The following ANPEP variants were observed in gnomAD, a reference collection of about 807,000 sequenced individuals.
The protein encoded by ANPEP is alanyl aminopeptidase, membrane.
A neutral mutation model predicts 114.6 loss-of-function variants in ANPEP; 70 were observed. That is an observed-to-expected ratio of 0.61 (90% CI 0.50 to 0.75). ANPEP has a LOEUF of 0.75. Ranked by LOEUF, ANPEP falls within the 30% of genes least tolerant of loss-of-function variation. The pLI, the probability that ANPEP is intolerant of heterozygous loss-of-function variation, is 0.00. For synonymous variants in ANPEP, 548 were observed against 522.3 expected (o/e 1.05, Z -0.67); for missense variants, 1,184 against 1,259.5 (o/e 0.94, Z 0.91).
At chr15:89,804,716 G>A in intron 4 of ANPEP, 99 bp from the exon 5 acceptor site, 1 of 1,499,478 alleles carries the variant, frequency 6.7e-7, no homozygotes, top group Non-Finnish European at 9.0e-7. Context: ...GATCCCTGAT[G>A]GGCCAGGGCT....
chr15:89,812,296 C>T (rs1336513929), intron 1 of ANPEP, among the ~76,000 whole-genome samples: 1 of 152,260 alleles, frequency 6.6e-6, no homozygotes, highest in Non-Finnish European at 1.5e-5. Context: ...TCAGGGACAA[C>T]CTGGGGCTCA....
chr15:89,790,265 A>G (rs146343256), intron 20 of ANPEP, among the ~76,000 whole-genome samples, 195 bp downstream of exon 20: 1 of 152,214 alleles, frequency 6.6e-6, no homozygotes. Flanking sequence ...TGCCTATACA[A>G]AAATCCCAAG....
Position 89,792,475 on chromosome 15 carries a change from C to T in ANPEP, c.2337G>A (p.Trp779Ter). The T allele has an allele frequency of 6.2e-7, 1 of 1,614,138 alleles. No homozygotes were observed. The highest frequency in any genetic ancestry group is 8.5e-7 in the Non-Finnish European group (1 of 1,180,016). ...ACGGGTTATTATTGGGGTTCTCCAT[C>T]CACTGCTTGAAAAGGCCAGAGACCA... ...EEMVSGLFKQ[W>*]MENPNNNPIH... The change falls in exon 17 of 21, where the codon TGG (tryptophan) becomes TGA (stop). Residue 779 changes from tryptophan (W) to a stop codon, truncating the protein, a stop_gained. Transcript: ENST00000300060. LOFTEE classifies it high-confidence loss of function.
At chr15:89,785,828 A>G (rs966334175) in intron 20 of ANPEP, among the ~76,000 whole-genome samples, 1 of 152,234 alleles carries the variant, frequency 6.6e-6, no homozygotes, top group Non-Finnish European at 1.5e-5. Flanking sequence ...GGAAATTTCT[A>G]TACCACAAAT....
rs530994272 is a variant in ANPEP at position 89,813,073 on chromosome 15, C to A, written c.-224+1699G>T. Among the ~76,000 whole-genome samples, 3 of 152,182 alleles carry A rather than the reference C, an allele frequency of 2.0e-5. No individual in the cohort carries two copies. The South Asian group carries it at 6.2e-4, about 32-fold the overall frequency. The stretch of plus-strand genomic sequence containing the variant: ...TGTAGGGCCAGGAGTGACAGGCACC[C>A]GGGGTGAAGCCCGGGCTAGGGATAG... On this transcript the variant is annotated intron_variant, in intron 1 of 20. Coordinates refer to ENST00000300060, the MANE Select transcript of ANPEP (RefSeq NM_001150.3).
chr15:89,808,833 G>C (rs942184185), intron 1 of ANPEP, among the ~76,000 whole-genome samples: 2 of 152,308 alleles, frequency 1.3e-5, no homozygotes, highest in African/African-American at 4.8e-5. Flanking sequence ...GAACTGAAGG[G>C]ACACGTGGAT....
chr15:89,790,068 AT>A (rs374082806), intron 20 of ANPEP, among the ~76,000 whole-genome samples: 36,805 of 137,040 alleles, frequency 0.27, 6,126 homozygotes, highest in African/African-American at 0.31. Context: ...CAAAAAAAAA[AT>A]AAAAAATAAA....
intron 20 of ANPEP, among the ~76,000 whole-genome samples, chr15:89,787,676 T>C (rs1392548754): frequency 6.6e-6 from 1 of 152,140 alleles, no homozygotes; most frequent in Non-Finnish European, 1.5e-5. Flanking sequence ...AATTTTAAAA[T>C]AGCAAAAGAC....
At chr15:89,808,000 G>A (rs1343448177) in intron 1 of ANPEP, among the ~76,000 whole-genome samples, 1 of 152,012 alleles carries the variant, frequency 6.6e-6, no homozygotes, top group African/African-American at 2.4e-5. Flanking sequence ...GCCTCCATTC[G>A]GGCCTGCTTG....
intron 20 of ANPEP, among the ~76,000 whole-genome samples, chr15:89,789,974 A>C (rs945929458): frequency 6.7e-6 from 1 of 149,960 alleles, no homozygotes; most frequent in Non-Finnish European, 1.5e-5. Flanking sequence ...CAGGAGAATG[A>C]CGTGAACCCG....
chr15:89,809,642 T>C (rs550710391), intron 1 of ANPEP, among the ~76,000 whole-genome samples: 33 of 152,202 alleles, frequency 2.2e-4, no homozygotes, highest in African/African-American at 7.2e-4. Context: ...CCTGGCCACC[T>C]CCACACCCCA....
chr15:89,789,544 G>T (rs1172805224), intron 20 of ANPEP, among the ~76,000 whole-genome samples: 1 of 150,998 alleles, frequency 6.6e-6, no homozygotes, highest in African/African-American at 2.4e-5. Context: ...AGACCGAGGT[G>T]GGTGGATCAC....
intron 15 of ANPEP, among the ~76,000 whole-genome samples, chr15:89,793,702 C>CA (rs56906048): frequency 0.04 from 3,127 of 78,780 alleles, 163 homozygotes; most frequent in African/African-American, 0.094. Context: ...GACTCCATCT[C>CA]AAAAAAAAAA....
At chr15:89,791,203 G>A (rs1204435190) in intron 18 of ANPEP, 110 bp from the exon 19 acceptor site, 11 of 1,280,402 alleles carry the variant, frequency 8.6e-6, no homozygotes, top group South Asian at 4.3e-5. Context: ...ACATCCCCTC[G>A]GCCTGCCAGG....
In ANPEP at chr15:89,799,325, G is replaced by A. The variant is rs767364991; in HGVS notation, c.1954-10C>T. Reference sequence around the variant, plus strand: ...TGATGACAGGGATGGCCTAGAATGCGAAGCACAGCATGTGACCATGGGTTG... The same window carrying A: ...TGATGACAGGGATGGCCTAGAATGCAAAGCACAGCATGTGACCATGGGTTG... On this transcript the variant is annotated splice_polypyrimidine_tract_variant and intron_variant, in intron 13 of 20. Coordinates refer to ENST00000300060, the MANE Select transcript of ANPEP (RefSeq NM_001150.3). The surrounding 1 kb of genome is among the most constrained non-coding windows in gnomAD (Gnocchi z 4.2). 1.1e-5 allele frequency: 18 copies of A among 1,614,078 alleles called. No homozygotes were observed. Among genetic ancestry groups the A allele is most frequent in the Admixed American group, 3.3e-5 (2 of 60,012 alleles).
At position 89,806,657 on chromosome 15, in the gene ANPEP, T is replaced by A. The variant is rs1894722792; in HGVS notation, c.-74A>T. The A allele has an allele frequency of 1.4e-6, 2 of 1,462,012 alleles. No homozygotes were observed. Among genetic ancestry groups the A allele is most frequent in the South Asian group, 2.9e-5 (2 of 69,644 alleles). 90.6% of individuals were successfully genotyped at this position (1,462,012 alleles called of 1,614,324 possible). A position where few individuals can be genotyped will look rare whatever the true frequency, so the allele number is the denominator to read the frequency against. On this transcript the variant is annotated 5_prime_UTR_variant, in exon 2 of 21. Coordinates refer to ENST00000300060, the MANE Select transcript of ANPEP (RefSeq NM_001150.3). This position sits in a 1 kb window ranked among gnomAD's most constrained non-coding sequence, Gnocchi z 5.7. ...GGAGCAGCCCCAGGCCGGGCTTATA[T>A]CCCCAAAGGGGAGGAGCCCCACAAC...
Position 89,803,575 on chromosome 15 carries a change from C to G in ANPEP, c.1438-68G>C, listed in dbSNP as rs750805229. ...CACCAGGACCCTGTGCCCCCAGACC[C>G]TGCCTTCAGTGAGGCCCCTCCAGGC... On this transcript the variant is annotated intron_variant, in intron 8 of 20. Coordinates refer to ENST00000300060, the MANE Select transcript of ANPEP (RefSeq NM_001150.3). This position sits in a 1 kb window ranked among gnomAD's most constrained non-coding sequence, Gnocchi z 4.2. The G allele has an allele frequency of 1.2e-6, 2 of 1,601,340 alleles. No individual in the cohort carries two copies. The highest frequency in any genetic ancestry group is 1.7e-6 in the Non-Finnish European group (2 of 1,174,776).
chr15:89,796,643 A>C (rs986952920), intron 15 of ANPEP, among the ~76,000 whole-genome samples: 2 of 150,674 alleles, frequency 1.3e-5, no homozygotes, highest in South Asian at 4.2e-4. Flanking sequence ...GCCCGCCACC[A>C]CGCCTGGCTA....
chr15:89,785,601 C>T (rs1264150150), intron 20 of ANPEP, 100 bp from the exon 21 acceptor site: 1 of 1,523,690 alleles, frequency 6.6e-7, no homozygotes, highest in Admixed American at 1.8e-5. Context: ...CTTTAGAGTC[C>T]CCATGGATGG....
Sources: gnomAD v4.1 joint callset for allele counts (sites outside exome capture counted in the v4.1 genomes callset) on GRCh38, gnomAD v4.1.1 for gene constraint, Gnocchi (gnomAD v3.1) non-coding constraint, MANE v1.5 for transcripts, NCBI Gene and HGNC (gene_info 2026-07-23, HGNC 2026-07-21) for gene names.